MGLL: variants seen among roughly 807,000 people sequenced by gnomAD.
The protein encoded by MGLL is lysophospholipase homolog.
MGLL carries 7 observed loss-of-function variants against 29.1 expected under a neutral mutation model. That is an observed-to-expected ratio of 0.24 (90% CI 0.14 to 0.45). The LOEUF (loss-of-function observed/expected upper bound fraction) is 0.45. Ranked by LOEUF, MGLL falls within the 20% of genes least tolerant of loss-of-function variation. The probability of loss-of-function intolerance (pLI) is 0.99; values close to 1 mark genes in which losing one functional copy is unlikely to be tolerated. For synonymous variants in MGLL, 148 were observed against 168.3 expected (o/e 0.88, Z 0.93); for missense variants, 356 against 413.6 (o/e 0.86, Z 1.21).
At chr3:127,765,893 G>A (rs1484378347) in intron 3 of MGLL, among the ~76,000 whole-genome samples, 1 of 152,226 alleles carries the variant, frequency 6.6e-6, no homozygotes, top group Non-Finnish European at 1.5e-5. Flanking sequence ...AATGTGTGGT[G>A]AGGAGAGCAG....
intron 3 of MGLL, among the ~76,000 whole-genome samples, chr3:127,756,388 C>G (rs2076665161): frequency 6.6e-6 from 1 of 152,168 alleles, no homozygotes; most frequent in South Asian, 2.1e-4. Context: ...CACCTCCACT[C>G]CAGGCCAATA....
chr3:127,734,426 G>A (rs796901793), intron 3 of MGLL, among the ~76,000 whole-genome samples: 7 of 152,240 alleles, frequency 4.6e-5, no homozygotes, highest in African/African-American at 9.6e-5. Context: ...CAGTGCGCCC[G>A]TGCCTTCATT....
chr3:127,725,200 T>C (rs981824434), intron 3 of MGLL, among the ~76,000 whole-genome samples: 1 of 152,228 alleles, frequency 6.6e-6, no homozygotes, highest in Non-Finnish European at 1.5e-5. Context: ...GCTGACTTTG[T>C]CATGGGGTGC....
At chr3:127,772,281 A>G (rs2076962261) in intron 3 of MGLL, among the ~76,000 whole-genome samples, 1 of 151,986 alleles carries the variant, frequency 6.6e-6, no homozygotes, top group African/African-American at 2.4e-5. Context: ...CGCTCCCCCA[A>G]CCTCTAAGTG....
chr3:127,737,875 C>T lies in MGLL; in HGVS notation c.263-15309G>A, dbSNP rs145028846. On this transcript the variant is annotated intron_variant, in intron 3 of 7. Transcript: ENST00000265052. ...GTCAGGCTAGTCTCGAACTTCTGAC[C>T]GCAGGTGATCCCCTGCCCTAGTCTG... Among the ~76,000 whole-genome samples the T allele has an allele frequency of 5.6e-4, 85 of 151,954 alleles. No individual in the cohort carries two copies. The East Asian group carries it at 0.013, about 24-fold the overall frequency.
At chr3:127,816,863 G>A (rs142434487) in intron 2 of MGLL, among the ~76,000 whole-genome samples, 131 of 152,348 alleles carry the variant, frequency 8.6e-4, no homozygotes, top group African/African-American at 2.8e-3. Flanking sequence ...ACTGAAAGCG[G>A]CCACAGTTCT....
intron 3 of MGLL, among the ~76,000 whole-genome samples, chr3:127,776,561 G>A (rs891193828): frequency 3.9e-5 from 6 of 152,192 alleles, no homozygotes; most frequent in African/African-American, 1.4e-4. Context: ...GATGCCCTGA[G>A]CCTGGAGGTG....
At position 127,745,828 on chromosome 3, in the gene MGLL, A is replaced by G. The variant is rs2107661435; in HGVS notation, c.263-23262T>C. Reference sequence around the variant, plus strand: ...GTGCCCTGAAAGAGTCCCAGCCCCCATACTGGTGTCACAGCTGCCATCCCT... The same window carrying G: ...GTGCCCTGAAAGAGTCCCAGCCCCCGTACTGGTGTCACAGCTGCCATCCCT... On this transcript the variant is annotated intron_variant, in intron 3 of 7. Coordinates refer to ENST00000265052, the MANE Select transcript of MGLL (RefSeq NM_007283.7). Among the ~76,000 whole-genome samples the G allele has an allele frequency of 2.0e-5, 3 of 152,246 alleles. No homozygotes were observed. In the East Asian group the frequency reaches 5.8e-4, roughly 29 times the overall value.
chr3:127,726,273 A>T, intron 3 of MGLL, among the ~76,000 whole-genome samples: 1 of 96,432 alleles, frequency 1.0e-5, no homozygotes, highest in Non-Finnish European at 2.2e-5. Context: ...AGAAGGAGGG[A>T]GGGAGAGAGG....
intron 2 of MGLL, among the ~76,000 whole-genome samples, chr3:127,812,061 A>G (rs1394332098): frequency 6.6e-6 from 1 of 152,264 alleles, no homozygotes; most frequent in African/African-American, 2.4e-5. Context: ...TCTCTGCAGC[A>G]GAAACATTTC....
At chr3:127,705,360 C>T (rs576372108) in intron 6 of MGLL, among the ~76,000 whole-genome samples, 2 of 150,760 alleles carry the variant, frequency 1.3e-5, no homozygotes, top group East Asian at 1.9e-4. Context: ...GCACATCCTG[C>T]GTATGTATCC....
At chr3:127,721,297 GC>G (rs1473533898) in intron 4 of MGLL, 134 bp from the exon 5 acceptor site, 1 of 714,210 alleles carries the variant, frequency 1.4e-6, no homozygotes, top group African/African-American at 1.8e-5. Context: ...CTTGGAAGAG[GC>G]ACCATCAAAT....
At chr3:127,781,484 T>C (rs2077124876) in intron 3 of MGLL, among the ~76,000 whole-genome samples, 1 of 152,180 alleles carries the variant, frequency 6.6e-6, no homozygotes, top group Admixed American at 6.5e-5. Flanking sequence ...CCAGGGCCCA[T>C]TTTGAGAGAA....
At chr3:127,754,115 G>T (rs1162562180) in intron 3 of MGLL, among the ~76,000 whole-genome samples, 1 of 152,134 alleles carries the variant, frequency 6.6e-6, no homozygotes. Flanking sequence ...TACGGAGGAG[G>T]CCACAGCCTC....
Position 127,691,101 on chromosome 3 carries a change from G to GCAGGCC in MGLL, c.*1091_*1096dup, listed in dbSNP as rs951100906. 3.3e-5 allele frequency: 5 copies of GCAGGCC among 152,610 alleles called. No individual in the cohort carries two copies. Among genetic ancestry groups the GCAGGCC allele is most frequent in the African/African-American group, 4.8e-5 (2 of 41,412 alleles). 9.5% of individuals were successfully genotyped at this position (152,610 alleles called of 1,614,324 possible). On this transcript the variant is annotated 3_prime_UTR_variant, in exon 8 of 8. Transcript: ENST00000265052. Reference sequence around the variant, plus strand: ...CTCCCAGGGTAGCTCTGGGCCATAGGCAGGCCCAGGCCCAGGCCTAGGGAT... The same window carrying GCAGGCC: ...CTCCCAGGGTAGCTCTGGGCCATAGGCAGGCCCAGGCCCAGGCCCAGGCCTAGGGAT...
chr3:127,821,574 G>T (rs2077860348), intron 2 of MGLL, 120 bp downstream of exon 2: 6 of 1,069,336 alleles, frequency 5.6e-6, no homozygotes, highest in East Asian at 2.4e-5. Flanking sequence ...CATTAAAACG[G>T]CAGGGGAAGT....
chr3:127,767,240 A>G (rs2076875533), intron 3 of MGLL, among the ~76,000 whole-genome samples: 1 of 152,116 alleles, frequency 6.6e-6, no homozygotes, highest in South Asian at 2.1e-4. Flanking sequence ...TAATCTCTCA[A>G]TATTTGTACT....
chr3:127,705,331 T>C (rs939679662), intron 6 of MGLL, among the ~76,000 whole-genome samples: 7 of 152,022 alleles, frequency 4.6e-5, no homozygotes, highest in South Asian at 2.1e-4. Flanking sequence ...TGGCACATGT[T>C]TACCTATGTA....
intron 2 of MGLL, among the ~76,000 whole-genome samples, chr3:127,816,339 C>T (rs2077755207): frequency 6.6e-6 from 1 of 152,166 alleles, no homozygotes; most frequent in Admixed American, 6.5e-5. Flanking sequence ...AAAGAAAGCA[C>T]TCAACAGCCG....
Sources: allele counts gnomAD v4.1 joint callset (sites outside exome capture counted in the v4.1 genomes callset), GRCh38; gene constraint gnomAD v4.1.1; transcripts MANE v1.5; gene names NCBI Gene and HGNC (gene_info 2026-07-23, HGNC 2026-07-21).